FGF11: variants seen among roughly 807,000 people sequenced by gnomAD.
FGF11 encodes fibroblast growth factor homologous factor 3.
FGF11 carries 25 observed loss-of-function variants against 25.1 expected under a neutral mutation model. That is an observed-to-expected ratio of 1.00 (90% CI 0.73 to 1.39). The LOEUF is 1.39. Ranked by LOEUF, FGF11 falls within the 40% of genes most tolerant of loss-of-function variation. FGF11 has a pLI of 0.00. For missense variants in FGF11, 320 were observed against 311.0 expected (o/e 1.03, Z -0.22); for synonymous variants, 130 against 128.9 (o/e 1.01, Z -0.06).
At position 7,443,992 on chromosome 17, in the gene FGF11, C is replaced by G. The variant is rs922038388; in HGVS notation, c.*846C>G. 2.0e-5 allele frequency: 3 copies of G among 152,162 alleles called. No individual in the cohort carries two copies. Among genetic ancestry groups the G allele is most frequent in the Non-Finnish European group, 2.9e-5 (2 of 68,046 alleles). The allele number at this position is 152,162 out of a possible 1,614,324, so 9.4% of individuals were successfully genotyped here. A position where few individuals can be genotyped will look rare whatever the true frequency, so the allele number is the denominator to read the frequency against. On this transcript the variant is annotated 3_prime_UTR_variant, in exon 5 of 5. Coordinates refer to ENST00000293829, the MANE Select transcript of FGF11 (RefSeq NM_004112.4). ...TTATTGTTCTAAGTAAGTTCTAGCCCCACCCTCCCGCCTTCTTGAGTGATA... is the reference window on the plus strand; with the variant it reads ...TTATTGTTCTAAGTAAGTTCTAGCCGCACCCTCCCGCCTTCTTGAGTGATA...
In FGF11 at chr17:7,440,083, C is replaced by G. The variant is rs1488120603; in HGVS notation, c.193+270C>G. ...TCGTAGTTCCTGCTCGTCCCCCCTT[C>G]CCAACACAGCAGTCCCCACCCCCAT... is the stretch of plus-strand genomic sequence containing the variant. On this transcript the variant is annotated intron_variant, in intron 1 of 4. Coordinates refer to ENST00000293829, the MANE Select transcript of FGF11 (RefSeq NM_004112.4). This position sits in a 1 kb window ranked among gnomAD's most constrained non-coding sequence, Gnocchi z 5.4. The G allele has an allele frequency of 5.4e-6, 2 of 369,662 alleles. No individual in the cohort carries two copies. Among genetic ancestry groups the G allele is most frequent in the Non-Finnish European group, 9.6e-6 (2 of 207,506 alleles). The allele number at this position is 369,662 out of a possible 1,614,324, so 22.9% of individuals were successfully genotyped here. A position where few individuals can be genotyped will look rare whatever the true frequency, so the allele number is the denominator to read the frequency against.
Position 7,440,121 on chromosome 17 carries a change from A to C in FGF11, c.193+308A>C. On this transcript the variant is annotated intron_variant, in intron 1 of 4. Transcript: ENST00000293829. The surrounding 1 kb of genome is among the most constrained non-coding windows in gnomAD (Gnocchi z 5.4). ...TCCCCACCCCCATCGTCCTCCGCCT[A>C]CGTGCCGGTTCTCGCGATTCTTTCA... The C allele has an allele frequency of 3.4e-6, 1 of 294,744 alleles. No homozygotes were observed. Among genetic ancestry groups the C allele is most frequent in the East Asian group, 5.3e-5 (1 of 18,780 alleles). 18.3% of individuals were successfully genotyped at this position (294,744 alleles called of 1,614,324 possible).
rs1429653799 is a variant in FGF11 at position 7,444,741 on chromosome 17, G to A, written c.*1595G>A. The A allele has an allele frequency of 6.5e-6, 2 of 306,298 alleles. No individual in the cohort carries two copies. The highest frequency in any genetic ancestry group is 1.6e-4 in the East Asian group (2 of 12,530). The allele number at this position is 306,298 out of a possible 1,614,324, so 19.0% of individuals were successfully genotyped here. A position where few individuals can be genotyped will look rare whatever the true frequency, so the allele number is the denominator to read the frequency against. On this transcript the variant is annotated 3_prime_UTR_variant, in exon 5 of 5. Coordinates refer to ENST00000293829, the MANE Select transcript of FGF11 (RefSeq NM_004112.4). ...GACTTGGATAGGGTAGGCTGAGGGGGCCCTAAGGGAGGGACTAAGGCTCCA... is the reference window on the plus strand; with the variant it reads ...GACTTGGATAGGGTAGGCTGAGGGGACCCTAAGGGAGGGACTAAGGCTCCA...
In FGF11 at chr17:7,440,765, C is replaced by A; in HGVS notation, c.194-706C>A. On this transcript the variant is annotated intron_variant, in intron 1 of 4. Transcript: ENST00000293829. The surrounding 1 kb of genome is among the most constrained non-coding windows in gnomAD (Gnocchi z 5.4). ...CCCTCTGAGTAGGACCGGGCCCCCA[C>A]GTGACTCAGCCTGCCTCTCCATCTC... 2.0e-6 allele frequency: 2 copies of A among 986,604 alleles called. No homozygotes were observed. Among genetic ancestry groups the A allele is most frequent in the South Asian group, 4.7e-5 (1 of 21,364 alleles). 61.1% of individuals were successfully genotyped at this position (986,604 alleles called of 1,614,324 possible).
chr17:7,442,509 G>A, intron 3 of FGF11, 85 bp from the exon 4 acceptor site: 1 of 1,491,412 alleles, frequency 6.7e-7, no homozygotes, highest in African/African-American at 1.4e-5. Context: ...AAGGATTTGT[G>A]CTTTCCATGA....
rs1908511497 is a variant in FGF11 at position 7,444,764 on chromosome 17, C to G, written c.*1618C>G. ...GGGCCCTAAGGGAGGGACTAAGGCTCCAAGGCAGGTCACTTTTCCTTAGGC... is the reference window on the plus strand; with the variant it reads ...GGGCCCTAAGGGAGGGACTAAGGCTGCAAGGCAGGTCACTTTTCCTTAGGC... On this transcript the variant is annotated 3_prime_UTR_variant, in exon 5 of 5. Transcript: ENST00000293829. The G allele has an allele frequency of 1.1e-5, 4 of 379,632 alleles. No individual in the cohort carries two copies. Among genetic ancestry groups the G allele is most frequent in the Admixed American group, 4.2e-5 (1 of 24,090 alleles). 23.5% of individuals were successfully genotyped at this position (379,632 alleles called of 1,614,324 possible). A position where few individuals can be genotyped will look rare whatever the true frequency, so the allele number is the denominator to read the frequency against.
chr17:7,442,753 A>G lies in FGF11; in HGVS notation c.568A>G (p.Thr190Ala). ...CATGAAGGGAAACCGAGTTAAGAAG[A>G]CCAAGGCAGCTGCCCACTTTCTGCC... ...QVMKGNRVKK[T>A]KAAAHFLPKL... The change falls in exon 4 of 5, where the codon ACC becomes GCC. Residue 190 changes from threonine to alanine, a missense_variant. By Grantham distance (58) the Thr-to-Ala change is moderately conservative (BLOSUM62 0). Transcript: ENST00000293829. 1.2e-6 allele frequency: 2 copies of G among 1,614,052 alleles called. No individual in the cohort carries two copies. Among genetic ancestry groups the G allele is most frequent in the East Asian group, 4.5e-5 (2 of 44,884 alleles).
Position 7,439,640 on chromosome 17 carries a change from G to A in FGF11, c.20G>A (p.Ser7Asn). 6.7e-7 allele frequency: 1 copy of A among 1,496,204 alleles called. No homozygotes were observed. The highest frequency in any genetic ancestry group is 8.8e-7 in the Non-Finnish European group (1 of 1,131,652). 92.7% of individuals were successfully genotyped at this position (1,496,204 alleles called of 1,614,324 possible). ...GGCGCTATGGCGGCGCTGGCCAGTA[G>A]CCTGATCCGGCAGAAGCGGGAGGTC... MAALASSLIRQKREVRE... is the reference protein window; with the variant it reads MAALASNLIRQKREVRE... Residue 7 changes from serine to asparagine, a missense_variant, in exon 1 of 5, where the codon AGC becomes AAC. Ser to Asn is a conservative substitution (Grantham distance 46). Transcript: ENST00000293829.
rs756128069 is a variant in FGF11, at chr17:7,439,625, C to T, written c.5C>T (p.Ala2Val). ...GGTGTCTCCTCCCGGGGCGCTATGG[C>T]GGCGCTGGCCAGTAGCCTGATCCGG... M[A>V]ALASSLIRQK... The change falls in exon 1 of 5, where the codon GCG becomes GTG. Residue 2 changes from alanine (A) to valine (V), a missense_variant. Physicochemically the swap from Ala to Val is moderately conservative, Grantham distance 64. Coordinates refer to ENST00000293829, the MANE Select transcript of FGF11 (RefSeq NM_004112.4). 7 of 1,438,530 alleles carry T rather than the reference C, an allele frequency of 4.9e-6. No homozygotes were observed. Among genetic ancestry groups the T allele is most frequent in the East Asian group, 2.8e-5 (1 of 35,602 alleles). The allele number at this position is 1,438,530 out of a possible 1,614,324, so 89.1% of individuals were successfully genotyped here.
rs1479474092 is a variant in FGF11 at position 7,440,916 on chromosome 17, A to G, written c.194-555A>G. On this transcript the variant is annotated intron_variant, in intron 1 of 4. Coordinates refer to ENST00000293829, the MANE Select transcript of FGF11 (RefSeq NM_004112.4). This position sits in a 1 kb window ranked among gnomAD's most constrained non-coding sequence, Gnocchi z 5.4. ...CGGGAGCCAGCGGACTGACAGACAGACAGACAGACAGACAGATGGGTCAGT... is the reference window on the plus strand; with the variant it reads ...CGGGAGCCAGCGGACTGACAGACAGGCAGACAGACAGACAGATGGGTCAGT... 1.0e-6 allele frequency: 1 copy of G among 990,338 alleles called. No homozygotes were observed. Among genetic ancestry groups the G allele is most frequent in the South Asian group, 4.6e-5 (1 of 21,948 alleles). 61.3% of individuals were successfully genotyped at this position (990,338 alleles called of 1,614,324 possible). A position where few individuals can be genotyped will look rare whatever the true frequency, so the allele number is the denominator to read the frequency against.
intron 4 of FGF11, 137 bp downstream of exon 4, chr17:7,442,929 T>G: frequency 8.4e-7 from 1 of 1,188,112 alleles, no homozygotes; most frequent in African/African-American, 1.5e-5. Flanking sequence ...GCTTTGCCCT[T>G]TGGGGGTTTG....
chr17:7,441,199 G>A (rs1010478910), intron 1 of FGF11: 2 of 370,118 alleles, frequency 5.4e-6, no homozygotes, highest in Non-Finnish European at 1.0e-5. Flanking sequence ...CCCCCTTCTG[G>A]TTGAGCTGTA....
rs143161190 is a variant in FGF11 at position 7,442,744 on chromosome 17, G to A, written c.559G>A (p.Val187Ile). The change falls in exon 4 of 5, where the codon GTT (valine) becomes ATT (isoleucine). Residue 187 changes from valine (V) to isoleucine (I), a missense_variant. Physicochemically the swap from Val to Ile is conservative, Grantham distance 29 (BLOSUM62 3). Transcript: ENST00000293829. ...KEGQVMKGNR[V>I]KKTKAAAHFL... ...GGGCCAGGTCATGAAGGGAAACCGA[G>A]TTAAGAAGACCAAGGCAGCTGCCCA... The A allele has an allele frequency of 2.5e-6, 4 of 1,613,938 alleles. No homozygotes were observed. In the African/African-American group the frequency reaches 4.0e-5, roughly 16 times the overall value.
At chr17:7,439,834 G>A (rs1338360396) in intron 1 of FGF11, 21 bp downstream of exon 1, 1 of 1,406,244 alleles carries the variant, frequency 7.1e-7, no homozygotes. Flanking sequence ...CTGGGGCGGG[G>A]TCTCCCGGCC....
intron 2 of FGF11, 39 bp downstream of exon 2, chr17:7,441,620 A>C (rs1908330062): frequency 1.2e-6 from 2 of 1,612,976 alleles, no homozygotes; most frequent in Non-Finnish European, 1.7e-6. Flanking sequence ...GAAGGGGGAG[A>C]ATGGGGACAG....
rs1011969510 is a variant in FGF11 at position 7,439,561 on chromosome 17, G to C, written c.-60G>C. On this transcript the variant is annotated 5_prime_UTR_variant, in exon 1 of 5. Transcript: ENST00000293829. ...CATGCCCTAGTGAGCGGGCTCCTCT[G>C]GGGGAGCCCAGCGCGCTCCGGGCGC... The C allele has an allele frequency of 3.8e-6, 5 of 1,324,740 alleles. No individual in the cohort carries two copies. Among genetic ancestry groups the C allele is most frequent in the Non-Finnish European group, 3.9e-6 (4 of 1,026,128 alleles). 82.1% of individuals were successfully genotyped at this position (1,324,740 alleles called of 1,614,324 possible).
At position 7,442,747 on chromosome 17, in the gene FGF11, A is replaced by G. The variant is rs1908393543; in HGVS notation, c.562A>G (p.Lys188Glu). The G allele has an allele frequency of 6.2e-7, 1 of 1,614,114 alleles. No homozygotes were observed. Among genetic ancestry groups the G allele is most frequent in the Non-Finnish European group, 8.5e-7 (1 of 1,180,018 alleles). ...EGQVMKGNRV[K>E]KTKAAAHFLP... ...CCAGGTCATGAAGGGAAACCGAGTTAAGAAGACCAAGGCAGCTGCCCACTT... is the reference window on the plus strand; with the variant it reads ...CCAGGTCATGAAGGGAAACCGAGTTGAGAAGACCAAGGCAGCTGCCCACTT... The change falls in exon 4 of 5, where the codon AAG becomes GAG. Residue 188 changes from lysine (K) to glutamate (E), a missense_variant. By Grantham distance (56) the Lys-to-Glu change is moderately conservative (BLOSUM62 1). Transcript: ENST00000293829.
rs1908446509 is a variant in FGF11 at position 7,443,494 on chromosome 17, T to C, written c.*348T>C. On this transcript the variant is annotated 3_prime_UTR_variant, in exon 5 of 5. Coordinates refer to ENST00000293829, the MANE Select transcript of FGF11 (RefSeq NM_004112.4). ...GGGCATAAACACTTCCCACCCCGGC[T>C]CAGCCAGTTCCTGGAGTCCTGTGCC... 4.1e-6 allele frequency: 1 copy of C among 241,388 alleles called. No individual in the cohort carries two copies. Among genetic ancestry groups the C allele is most frequent in the Non-Finnish European group, 8.0e-6 (1 of 124,286 alleles). 15.0% of individuals were successfully genotyped at this position (241,388 alleles called of 1,614,324 possible).
At chr17:7,441,989 C>A (rs957317371) in intron 3 of FGF11, 110 bp downstream of exon 3, 2 of 802,894 alleles carry the variant, frequency 2.5e-6, no homozygotes, top group Admixed American at 2.9e-5. Context: ...GCCCGGGACT[C>A]CTCCCTCCAG....
Sources: gnomAD v4.1 joint callset for allele counts on GRCh38, gnomAD v4.1.1 for gene constraint, Gnocchi (gnomAD v3.1) non-coding constraint, MANE v1.5 for transcripts, NCBI Gene and HGNC (gene_info 2026-07-23, HGNC 2026-07-21) for gene names.